Variants in AP3B1 observed in about 807,000 individuals in gnomAD.
AP3B1 encodes the protein adaptor related protein complex 3 subunit beta 1, also known as AP-3 complex subunit beta-1.
In AP3B1, 61 loss-of-function variants were observed where a neutral mutation model predicts 132.5. The observed-to-expected ratio is 0.46, with a 90% CI of 0.37 to 0.57. The LOEUF is 0.57. Ranked by LOEUF, AP3B1 falls within the 20% of genes least tolerant of loss-of-function variation. The pLI, the probability that AP3B1 is intolerant of heterozygous loss-of-function variation, is 0.00. For synonymous variants in AP3B1, 388 were observed against 438.3 expected, an observed-to-expected ratio of 0.89 and a Z score of 1.43; for missense variants, 1,120 against 1,289.4, an observed-to-expected ratio of 0.87 and a Z score of 2.01.
intron 7 of AP3B1, among the ~76,000 whole-genome samples, chr5:78,203,742 A>G (rs11742673): frequency 0.55 from 84,145 of 151,818 alleles, 23,541 homozygotes; most frequent in Admixed American, 0.59. Context: ...TGATGTCATC[A>G]CACAGGCCTC....
chr5:78,096,842 G>T (rs1181421049), intron 21 of AP3B1, among the ~76,000 whole-genome samples: 6 of 151,218 alleles, frequency 4.0e-5, no homozygotes, highest in South Asian at 2.1e-4. Context: ...AGGGAGGGGG[G>T]GCTCAGCCCC....
rs1747773177 is a variant in AP3B1, at chr5:78,035,494, A to C, written c.2810-1049T>G. 9.9e-5 allele frequency among the ~76,000 whole-genome samples: 15 copies of C among 152,160 alleles called. No individual in the cohort carries two copies. The South Asian group carries it at 3.1e-3, about 32-fold the overall frequency. ...TAAGTATGATTTGCCATTGAATGCT[A>C]ACCACGACAGAGATGATGGTACAGT... On this transcript the variant is annotated intron_variant, in intron 23 of 26. Transcript: ENST00000255194.
At chr5:78,039,332 GA>G in intron 22 of AP3B1, 58 bp from the exon 23 acceptor site, 1 of 1,333,896 alleles carries the variant, frequency 7.5e-7, no homozygotes, top group Non-Finnish European at 1.1e-6. Context: ...TATTCTTTTA[GA>G]AAATATGCAA....
At chr5:78,155,414 T>C (rs1444988567) in intron 14 of AP3B1, among the ~76,000 whole-genome samples, 1 of 152,186 alleles carries the variant, frequency 6.6e-6, no homozygotes, top group Non-Finnish European at 1.5e-5. Context: ...AGTGCCCACC[T>C]GATTTTTGGT....
chr5:78,110,940 TAG>T (rs891777810), intron 19 of AP3B1, among the ~76,000 whole-genome samples: 17 of 151,976 alleles, frequency 1.1e-4, no homozygotes, highest in African/African-American at 3.6e-4. Context: ...ATATTTTTTG[TAG>T]AGACAGGGTC....
rs1313111043 is a variant in AP3B1, at chr5:78,113,792, T to C, written c.2209A>G (p.Lys737Glu). ...TTTGAGTTCCTCTTGGCTGTTCTTT[T>C]GTTTTCTAGGCCTGACTCCCGTCCA... ...ESGRESGLENKRTAKRNSKAK... is the reference protein window; with the variant it reads ...ESGRESGLENERTAKRNSKAK... The change falls in exon 19 of 27, where the codon AAA (lysine) becomes GAA (glutamate). Residue 737 changes from lysine (K) to glutamate (E), a missense_variant. By Grantham distance (56) the Lys-to-Glu change is moderately conservative. Coordinates refer to ENST00000255194, the MANE Select transcript of AP3B1 (RefSeq NM_003664.5). The C allele has an allele frequency of 6.2e-7, 1 of 1,614,218 alleles. No homozygotes were observed. The highest frequency in any genetic ancestry group is 8.5e-7 in the Non-Finnish European group (1 of 1,180,048).
intron 6 of AP3B1, among the ~76,000 whole-genome samples, chr5:78,220,496 G>A (rs1475981747): frequency 6.6e-6 from 1 of 151,746 alleles, no homozygotes; most frequent in Non-Finnish European, 1.5e-5. Flanking sequence ...AAAACTGCCT[G>A]GAACAAAGCA....
rs190435325 is a variant in AP3B1, at chr5:78,271,249, C to A, written c.129-3654G>T. Among the ~76,000 whole-genome samples the A allele has an allele frequency of 1.8e-3, 276 of 152,120 alleles. 1 individual carries two copies. Among genetic ancestry groups the A allele is most frequent in the Admixed American group, 8.3e-3 (126 of 15,272 alleles). ...CCAGCCTGACCAACACGAAGAAACC[C>A]CATCTCTACTAAAAATACAAAATTA... On this transcript the variant is annotated intron_variant, in intron 1 of 26. Coordinates refer to ENST00000255194, the MANE Select transcript of AP3B1 (RefSeq NM_003664.5).
intron 11 of AP3B1, among the ~76,000 whole-genome samples, chr5:78,168,023 A>AAAAAC (rs1743726609): frequency 6.6e-6 from 1 of 150,456 alleles, no homozygotes; most frequent in Admixed American, 6.6e-5. Flanking sequence ...GAAAAAAAAA[A>AAAAAC]AAAAACAAAA....
At chr5:78,238,584 T>C (rs987867360) in intron 3 of AP3B1, among the ~76,000 whole-genome samples, 50 of 152,040 alleles carry the variant, frequency 3.3e-4, no homozygotes, top group African/African-American at 1.2e-3. Flanking sequence ...TGTAGATAAC[T>C]ATCACACAAT....
At chr5:78,124,530 G>A (rs933989454) in intron 17 of AP3B1, among the ~76,000 whole-genome samples, 3 of 151,956 alleles carry the variant, frequency 2.0e-5, no homozygotes, top group African/African-American at 2.4e-5. Flanking sequence ...AGCTATGATC[G>A]CACCACTGCA....
chr5:78,273,343 A>G (rs1276596708), intron 1 of AP3B1, among the ~76,000 whole-genome samples: 1 of 152,142 alleles, frequency 6.6e-6, no homozygotes, highest in Non-Finnish European at 1.5e-5. Flanking sequence ...TAAGACTGCA[A>G]TGAACCATGA....
intron 22 of AP3B1, among the ~76,000 whole-genome samples, chr5:78,074,642 A>G (rs1175065208): frequency 6.6e-6 from 1 of 152,172 alleles, no homozygotes. Flanking sequence ...AATGGAAAAA[A>G]AAAATTTTTT....
intron 7 of AP3B1, among the ~76,000 whole-genome samples, chr5:78,188,744 T>C (rs1398345250): frequency 6.6e-6 from 1 of 152,028 alleles, no homozygotes; most frequent in Admixed American, 6.6e-5. Flanking sequence ...CCCAAAAGAG[T>C]ATAAATCATT....
chr5:78,058,367 G>A (rs1748902182), intron 22 of AP3B1, among the ~76,000 whole-genome samples: 1 of 152,064 alleles, frequency 6.6e-6, no homozygotes, highest in Non-Finnish European at 1.5e-5. Context: ...AGGCGTGGTG[G>A]CAGGCACCTG....
At chr5:78,029,537 G>A (rs946898625) in intron 24 of AP3B1, among the ~76,000 whole-genome samples, 11 of 152,226 alleles carry the variant, frequency 7.2e-5, no homozygotes, top group South Asian at 2.1e-4. Flanking sequence ...AATCTCTGAC[G>A]TGAATTGTGA....
chr5:78,294,400 C>A, intron 1 of AP3B1, 52 bp downstream of exon 1: 1 of 1,612,450 alleles, frequency 6.2e-7, no homozygotes, highest in African/African-American at 1.3e-5. Context: ...CCCACTCCTC[C>A]GAGTCCGCAG....
rs530290910 is a variant in AP3B1 at position 78,134,505 on chromosome 5, T to C, written c.1651-5198A>G. On this transcript the variant is annotated intron_variant, in intron 15 of 26. Coordinates refer to ENST00000255194, the MANE Select transcript of AP3B1 (RefSeq NM_003664.5). ...TCTTAACTTACACCAGAGGCAAACC[T>C]AAGCAGTACCGTTGTTCCATCTAAT... Among the ~76,000 whole-genome samples, 5 of 152,298 alleles carry C rather than the reference T, an allele frequency of 3.3e-5. No homozygotes were observed. The South Asian group carries it at 1.0e-3, about 32-fold the overall frequency.
intron 22 of AP3B1, chr5:78,043,689 C>T: frequency 4.6e-6 from 2 of 437,360 alleles, no homozygotes; most frequent in African/African-American, 2.0e-5. Context: ...CCCAGGCATA[C>T]TCTTCATCAT....
Sources: gnomAD v4.1 joint callset for allele counts (sites outside exome capture counted in the v4.1 genomes callset) on GRCh38, gnomAD v4.1.1 for gene constraint, MANE v1.5 for transcripts, NCBI Gene and HGNC (gene_info 2026-07-23, HGNC 2026-07-21) for gene names.